Variants in TRIM37 observed in about 807,000 individuals in gnomAD.
The protein encoded by TRIM37 is tripartite motif containing 37.
TRIM37 carries 80 observed loss-of-function variants against 129.8 expected under a neutral mutation model. The observed-to-expected ratio is 0.62, with a 90% CI of 0.51 to 0.74. TRIM37 has a LOEUF of 0.74. Among genes scored for constraint, TRIM37 ranks in the 30% least tolerant of loss-of-function variants. TRIM37 has a pLI of 0.00. For missense variants in TRIM37, 1,054 were observed against 1,176.5 expected, an observed-to-expected ratio of 0.90 and a Z score of 1.52; for synonymous variants, 389 against 387.1, an observed-to-expected ratio of 1.00 and a Z score of -0.06.
At chr17:59,035,828 A>T (rs989654884) in intron 17 of TRIM37, among the ~76,000 whole-genome samples, 1 of 152,110 alleles carries the variant, frequency 6.6e-6, no homozygotes, top group African/African-American at 2.4e-5. Context: ...AACCTCATAA[A>T]AAGACAGACG....
chr17:59,096,904 A>G (rs1398590207), intron 2 of TRIM37, among the ~76,000 whole-genome samples: 1 of 152,178 alleles, frequency 6.6e-6, no homozygotes, highest in East Asian at 1.9e-4. Context: ...AACTAATTCA[A>G]CAGACTATTT....
At chr17:59,105,506 G>A (rs1375227143) in intron 1 of TRIM37, among the ~76,000 whole-genome samples, 1 of 152,108 alleles carries the variant, frequency 6.6e-6, no homozygotes, top group Admixed American at 6.6e-5. Context: ...ACAATTAAAC[G>A]TATACTTATT....
intron 17 of TRIM37, among the ~76,000 whole-genome samples, chr17:59,040,590 G>T (rs1013282522): frequency 6.6e-6 from 1 of 152,132 alleles, no homozygotes; most frequent in Admixed American, 6.5e-5. Flanking sequence ...AAAGGCTAAA[G>T]AAAGAACTTG....
chr17:58,969,531 G>A, the TRIM37 span: 1 of 1,614,046 alleles, frequency 6.2e-7, no homozygotes, highest in South Asian at 1.1e-5. Flanking sequence ...CTGTGTTTCT[G>A]TTGACAGGAC....
In TRIM37 at chr17:58,999,335, A is replaced by T. The variant is rs767635191; in HGVS notation, c.*42T>A. 1.9e-6 allele frequency: 3 copies of T among 1,613,518 alleles called. No individual in the cohort carries two copies. The highest frequency in any genetic ancestry group is 1.7e-6 in the Non-Finnish European group (2 of 1,179,692). Reference sequence around the variant, plus strand: ...TTGAGCACCAACTACAGCAAAATTCAGGGTCAAGGTAGCTTGCAAGTCAGT... The same window carrying T: ...TTGAGCACCAACTACAGCAAAATTCTGGGTCAAGGTAGCTTGCAAGTCAGT... On this transcript the variant is annotated 3_prime_UTR_variant, in exon 24 of 24. Coordinates refer to ENST00000262294, the MANE Select transcript of TRIM37 (RefSeq NM_015294.6).
intron 2 of TRIM37, among the ~76,000 whole-genome samples, chr17:59,097,624 A>C (rs1357748555): frequency 3.3e-5 from 5 of 152,124 alleles, no homozygotes; most frequent in African/African-American, 1.2e-4. Flanking sequence ...TAATCCCAGC[A>C]TTGGGAGGCC....
intron 22 of TRIM37, among the ~76,000 whole-genome samples, chr17:59,011,666 T>C (rs1403047080): frequency 6.6e-6 from 1 of 152,212 alleles, no homozygotes; most frequent in African/African-American, 2.4e-5. Flanking sequence ...ATGTCTTCTA[T>C]GCTTTTAGAT....
intron 22 of TRIM37, among the ~76,000 whole-genome samples, chr17:59,009,874 A>G (rs1351226074): frequency 6.6e-6 from 1 of 152,204 alleles, no homozygotes; most frequent in Non-Finnish European, 1.5e-5. Flanking sequence ...AGAATAACAG[A>G]ATACTGGTAA....
intron 9 of TRIM37, among the ~76,000 whole-genome samples, chr17:59,066,715 T>C (rs2041947456): frequency 6.6e-6 from 1 of 152,324 alleles, no homozygotes; most frequent in South Asian, 2.1e-4. Context: ...GGAAAATTTT[T>C]TGGACACAAA....
At chr17:59,064,247 C>T (rs1342399300) in intron 10 of TRIM37, 108 bp downstream of exon 10, 2 of 848,098 alleles carry the variant, frequency 2.4e-6, no homozygotes, top group Non-Finnish European at 3.8e-6. Context: ...TCTAAGACTT[C>T]TAAAGTGAGT....
chr17:59,045,781 G>C (rs554364980), intron 16 of TRIM37, among the ~76,000 whole-genome samples: 5 of 151,890 alleles, frequency 3.3e-5, no homozygotes, highest in Non-Finnish European at 5.9e-5. Flanking sequence ...TTGGGAGGCT[G>C]AAGTGGGCAG....
rs1291618503 is a variant in TRIM37 at position 59,049,322 on chromosome 17, G to A, written c.1386C>T (p.Pro462=). 1 of 1,614,072 alleles carries A rather than the reference G, an allele frequency of 6.2e-7. No individual in the cohort carries two copies. The highest frequency in any genetic ancestry group is 8.5e-7 in the Non-Finnish European group (1 of 1,180,022). ...DLSPPDNHLS[P]QNDDALETRA... Reference sequence around the variant, plus strand: ...GTGTCTCCAGAGCATCATCATTTTGGGGGCTAAGATGGTTATCTGGTGGTG... The same window carrying A: ...GTGTCTCCAGAGCATCATCATTTTGAGGGCTAAGATGGTTATCTGGTGGTG... Residue 462 remains proline (P), a synonymous_variant, in exon 15 of 24, where the codon CCC becomes CCT. Transcript: ENST00000262294.
chr17:59,033,230 A>G lies in TRIM37; in HGVS notation c.1754-1140T>C, dbSNP rs558950827. Among the ~76,000 whole-genome samples, 9 of 152,304 alleles carry G rather than the reference A, an allele frequency of 5.9e-5. No homozygotes were observed. The South Asian group carries it at 1.9e-3, about 32-fold the overall frequency. On this transcript the variant is annotated intron_variant, in intron 17 of 23. Transcript: ENST00000262294. ...GTATTTCAGAGAGATCCAGCAGGAT[A>G]TAACTTAGGAGGAAAGTTCCATTGT... is the stretch of plus-strand genomic sequence containing the variant.
At chr17:59,046,792 A>C (rs1356120758) in intron 16 of TRIM37, among the ~76,000 whole-genome samples, 1 of 149,470 alleles carries the variant, frequency 6.7e-6, no homozygotes, top group Admixed American at 6.7e-5. Context: ...CACCCGCCTC[A>C]GCCTCCCAGA....
At chr17:59,052,688 C>T (rs2146233813) in intron 13 of TRIM37, among the ~76,000 whole-genome samples, 1 of 152,226 alleles carries the variant, frequency 6.6e-6, no homozygotes, top group Non-Finnish European at 1.5e-5. Flanking sequence ...GGCACAGTGG[C>T]TCACACCTGT....
At chr17:59,077,879 T>A (rs2042950873) in intron 7 of TRIM37, among the ~76,000 whole-genome samples, 1 of 147,746 alleles carries the variant, frequency 6.8e-6, no homozygotes, top group African/African-American at 2.5e-5. Flanking sequence ...ATCCCAGCAC[T>A]TCGGGAGGCG....
At chr17:58,997,400 T>TAG (rs2033117113), downstream of TRIM37, among the ~76,000 whole-genome samples, 5 of 152,300 alleles carry the variant, frequency 3.3e-5, no homozygotes, top group South Asian at 1.0e-3. Flanking sequence ...GAAAAGGCAC[T>TAG]AGACCAGCAG....
At chr17:59,066,236 C>G (rs1236169706) in intron 9 of TRIM37, among the ~76,000 whole-genome samples, 1 of 152,184 alleles carries the variant, frequency 6.6e-6, no homozygotes, top group Non-Finnish European at 1.5e-5. Flanking sequence ...AGGGAGTCTT[C>G]CCAGTATAGC....
At chr17:58,987,217 TTAAC>T (rs1291158490) in intron 24 of TRIM37, among the ~76,000 whole-genome samples, 2 of 152,192 alleles carry the variant, frequency 1.3e-5, no homozygotes, top group African/African-American at 2.4e-5. Context: ...TAACTGGAGT[TTAAC>T]TAAAGATGAT....
Sources: allele counts gnomAD v4.1 joint callset (sites outside exome capture counted in the v4.1 genomes callset), GRCh38; gene constraint gnomAD v4.1.1; transcripts MANE v1.5; gene names NCBI Gene and HGNC (gene_info 2026-07-23, HGNC 2026-07-21).